The following STXBP3 variants were observed in gnomAD, a reference collection of about 807,000 sequenced individuals.
The protein encoded by STXBP3 is syntaxin-binding protein 3.
Under a neutral mutation model 85.7 loss-of-function variants are expected in STXBP3, and 41 were observed. The ratio of observed to expected loss-of-function variants is 0.48; its 90% confidence interval spans 0.37 to 0.62. STXBP3 has a LOEUF of 0.62. Among genes scored for constraint, STXBP3 ranks in the 20% least tolerant of loss-of-function variants. The pLI, the probability that STXBP3 is intolerant of heterozygous loss-of-function variation, is 0.00. For missense variants in STXBP3, 563 were observed against 703.1 expected, an observed-to-expected ratio of 0.80 and a Z score of 2.25; for synonymous variants, 229 against 231.7, an observed-to-expected ratio of 0.99 and a Z score of 0.10.
At chr1:108,773,412 C>A (rs1662511615) in intron 7 of STXBP3, among the ~76,000 whole-genome samples, 1 of 152,068 alleles carries the variant, frequency 6.6e-6, no homozygotes, top group African/African-American at 2.4e-5. Flanking sequence ...TTGATATAAA[C>A]AAGAATTAAG....
Position 108,782,418 on chromosome 1 carries a change from G to A in STXBP3, c.810-4G>A. The A allele has an allele frequency of 6.2e-7, 1 of 1,603,640 alleles. No homozygotes were observed. Among genetic ancestry groups the A allele is most frequent in the Non-Finnish European group, 8.5e-7 (1 of 1,175,160 alleles). ...AAAGTTTTAGTGCTTCTGTCTACTTGTAGATATAAAACAGATGGAAAAGAA... is the reference window on the plus strand; with the variant it reads ...AAAGTTTTAGTGCTTCTGTCTACTTATAGATATAAAACAGATGGAAAAGAA... On this transcript the variant is annotated splice_region_variant and splice_polypyrimidine_tract_variant and intron_variant, in intron 9 of 18. Transcript: ENST00000370008.
intron 17 of STXBP3, among the ~76,000 whole-genome samples, chr1:108,805,419 A>ATTTTTTT (rs34972308): frequency 2.6e-5 from 3 of 114,326 alleles, no homozygotes; most frequent in Admixed American, 1.0e-4. Flanking sequence ...CTAGATTCAG[A>ATTTTTTT]TTTTTTTTTT....
chr1:108,796,376 A>T lies in STXBP3; in HGVS notation c.1249+4A>T, dbSNP rs1426599268. ...CTTTATATCTTCAGTATTAATGGTA[A>T]TGGAGATAATCACTTTTTAATAAGT... On this transcript the variant is annotated splice_donor_region_variant and intron_variant, in intron 14 of 18. Coordinates refer to ENST00000370008, the MANE Select transcript of STXBP3 (RefSeq NM_007269.4). 1 of 1,463,136 alleles carries T rather than the reference A, an allele frequency of 6.8e-7. No individual in the cohort carries two copies. The highest frequency in any genetic ancestry group is 2.3e-5 in the East Asian group (1 of 43,828). 90.6% of individuals were successfully genotyped at this position (1,463,136 alleles called of 1,614,324 possible). A position where few individuals can be genotyped will look rare whatever the true frequency, so the allele number is the denominator to read the frequency against.
chr1:108,750,030 T>C (rs872337), intron 1 of STXBP3, among the ~76,000 whole-genome samples: 57,762 of 151,864 alleles, frequency 0.38, 11,386 homozygotes, highest in Middle Eastern at 0.47. Flanking sequence ...AGGTGCTCAA[T>C]AGCCAGATAT....
At chr1:108,799,612 C>T (rs1036026414) in intron 16 of STXBP3, among the ~76,000 whole-genome samples, 23 of 151,910 alleles carry the variant, frequency 1.5e-4, no homozygotes, top group Admixed American at 4.6e-4. Context: ...ACTACCATGC[C>T]GTAAAGCAGT....
intron 9 of STXBP3, 180 bp downstream of exon 9, chr1:108,779,590 TTAAAGTG>T: frequency 1.6e-6 from 1 of 617,344 alleles, no homozygotes; most frequent in Non-Finnish European, 2.4e-6. Flanking sequence ...ACCTTGTAAA[TTAAAGTG>T]TAATTTGATT....
intron 6 of STXBP3, among the ~76,000 whole-genome samples, chr1:108,764,609 A>G (rs1025134376): frequency 6.6e-6 from 1 of 152,082 alleles, no homozygotes; most frequent in East Asian, 1.9e-4. Flanking sequence ...GTGAGATAGT[A>G]TCTCATTGTG....
At chr1:108,777,239 C>A (rs1662610053) in intron 8 of STXBP3, among the ~76,000 whole-genome samples, 1 of 152,062 alleles carries the variant, frequency 6.6e-6, no homozygotes, top group Non-Finnish European at 1.5e-5. Context: ...GAAGAATATA[C>A]AGAGTATAAT....
intron 7 of STXBP3, among the ~76,000 whole-genome samples, chr1:108,774,640 C>CTTTTTTTTTTTTTTTTTTTTTTTTT (rs11290690): frequency 1.1e-5 from 1 of 92,632 alleles, no homozygotes. Flanking sequence ...TCTTTCTTTC[C>CTTTTTTTTTTTTTTTTTTTTTTTTT]TTTTTTTTTT....
At chr1:108,802,705 A>ATGTTT (rs779334549) in intron 17 of STXBP3, among the ~76,000 whole-genome samples, 12 of 152,306 alleles carry the variant, frequency 7.9e-5, no homozygotes, top group South Asian at 2.1e-4. Flanking sequence ...TTAACCTGAA[A>ATGTTT]TGTTTTGTTT....
chr1:108,801,592 A>G (rs569361504), intron 17 of STXBP3, among the ~76,000 whole-genome samples: 147 of 151,972 alleles, frequency 9.7e-4, no homozygotes, highest in Non-Finnish European at 1.7e-3. Flanking sequence ...CTACTGATCA[A>G]GCTGAGTGTG....
chr1:108,760,178 A>G (rs1414752392), intron 6 of STXBP3, 93 bp downstream of exon 6: 3 of 683,978 alleles, frequency 4.4e-6, no homozygotes, highest in African/African-American at 1.9e-5. Context: ...GATATTTTTT[A>G]TATGTATTTG....
intron 5 of STXBP3, 79 bp downstream of exon 5, chr1:108,758,667 CA>C: frequency 2.9e-6 from 2 of 681,896 alleles, no homozygotes; most frequent in Non-Finnish European, 4.6e-6. Context: ...AAAATCAGCC[CA>C]AAATGTCATT....
At chr1:108,752,950 T>C in intron 2 of STXBP3, 113 bp from the exon 3 acceptor site, 1 of 687,996 alleles carries the variant, frequency 1.5e-6, no homozygotes, top group South Asian at 3.0e-5. Flanking sequence ...TTTTGCCTAC[T>C]GTTCTGATAT....
At chr1:108,799,142 C>T (rs900105362) in intron 16 of STXBP3, among the ~76,000 whole-genome samples, 8 of 152,096 alleles carry the variant, frequency 5.3e-5, no homozygotes, top group African/African-American at 1.9e-4. Context: ...CCAGTTTATA[C>T]TTTCTTTGGG....
intron 17 of STXBP3, among the ~76,000 whole-genome samples, chr1:108,805,353 CTGT>C (rs1663305505): frequency 6.6e-6 from 1 of 151,130 alleles, no homozygotes; most frequent in South Asian, 2.1e-4. Flanking sequence ...AATTTGTTTC[CTGT>C]TGTTCACTGC....
chr1:108,800,112 A>G, intron 16 of STXBP3, 108 bp from the exon 17 acceptor site: 1 of 730,196 alleles, frequency 1.4e-6, no homozygotes. Context: ...TATACTAAAT[A>G]TTTATGTCTA....
intron 6 of STXBP3, among the ~76,000 whole-genome samples, chr1:108,761,308 T>C (rs569794443): frequency 1.4e-5 from 2 of 143,536 alleles, no homozygotes; most frequent in African/African-American, 5.3e-5. Flanking sequence ...TTTAAACTTA[T>C]TATTTTAATA....
At chr1:108,792,106 C>A (rs1029077150) in intron 11 of STXBP3, among the ~76,000 whole-genome samples, 3 of 152,168 alleles carry the variant, frequency 2.0e-5, no homozygotes, top group Non-Finnish European at 4.4e-5. Flanking sequence ...TCACCTTCTT[C>A]ATATCAGACA....
Sources: allele counts gnomAD v4.1 joint callset (sites outside exome capture counted in the v4.1 genomes callset), GRCh38; gene constraint gnomAD v4.1.1; transcripts MANE v1.5; gene names NCBI Gene and HGNC (gene_info 2026-07-23, HGNC 2026-07-21).